The following FRMD6 variants were observed in gnomAD, a reference collection of about 807,000 sequenced individuals.
FRMD6 encodes the protein FERM domain containing 6.
Under a neutral mutation model 73.2 loss-of-function variants are expected in FRMD6, and 37 were observed. The ratio of observed to expected loss-of-function variants is 0.51; its 90% CI spans 0.39 to 0.66. FRMD6 has a LOEUF of 0.66. FRMD6 is among the 30% of genes least tolerant of loss of function. The pLI is 0.00. For synonymous variants in FRMD6, 273 were observed against 282.2 expected, an observed-to-expected ratio of 0.97 and a Z score of 0.33; for missense variants, 714 against 780.5, an observed-to-expected ratio of 0.91 and a Z score of 1.02.
intron 2 of FRMD6, among the ~76,000 whole-genome samples, chr14:51,594,765 G>T (rs898186923): frequency 1.3e-5 from 2 of 152,194 alleles, no homozygotes; most frequent in African/African-American, 4.8e-5. Context: ...ACCCGGCCAT[G>T]AGTACATGGG....
chr14:51,488,123 T>A (rs1432629399), upstream of FRMD6, among the ~76,000 whole-genome samples: 2 of 152,148 alleles, frequency 1.3e-5, no homozygotes, highest in African/African-American at 4.8e-5. Flanking sequence ...CTTCTATGAT[T>A]AGAAACCACA....
intron 1 of FRMD6, among the ~76,000 whole-genome samples, chr14:51,665,045 A>G (rs1197543688): frequency 6.6e-6 from 1 of 152,216 alleles, no homozygotes; most frequent in Admixed American, 6.5e-5. Context: ...GGTGGAATTC[A>G]TCATGCCAGC....
At position 51,727,843 on chromosome 14, in the gene FRMD6, G is replaced by A. The variant is rs747226008; in HGVS notation, c.1683G>A (p.Leu561=). 4.3e-6 allele frequency: 7 copies of A among 1,614,200 alleles called. No individual in the cohort carries two copies. Among genetic ancestry groups the A allele is most frequent in the Non-Finnish European group, 5.9e-6 (7 of 1,180,030 alleles). ...AAGACTTCCTGCGCATTGCAGGTCT[G>A]TGTCAGGACACTGCTCAGAGTTACA... The part of the protein sequence containing the change: ...YQKDFLRIAG[L]CQDTAQSYTF... The change falls in exon 14 of 14, where the codon CTG becomes CTA. Residue 561 remains leucine, a synonymous_variant. Coordinates refer to ENST00000344768, the MANE Select transcript of FRMD6 (RefSeq NM_001267046.2).
In FRMD6 at chr14:51,527,606, G is replaced by C. The variant is rs185525190; in HGVS notation, c.-210+38186G>C. Among the ~76,000 whole-genome samples, 278 of 152,212 alleles carry C rather than the reference G, an allele frequency of 1.8e-3. 1 individual carries two copies. The highest frequency in any genetic ancestry group is 6.5e-3 in the African/African-American group (270 of 41,532). On this transcript the variant is annotated intron_variant, in intron 1 of 14. Coordinates refer to the FRMD6 transcript ENST00000356218. ...CTAGAAAAACCTCCACTGAATAACA[G>C]GTTTCATGAATTATGAAAACCCCTG...
At chr14:51,551,376 A>G (rs913584087) in intron 1 of FRMD6, among the ~76,000 whole-genome samples, 1 of 152,226 alleles carries the variant, frequency 6.6e-6, no homozygotes, top group East Asian at 1.9e-4. Context: ...AGGAAGAAAA[A>G]GTTCAGTTGT....
chr14:51,651,460 G>A (rs1892369740), upstream of FRMD6: 1 of 152,340 alleles, frequency 6.6e-6, no homozygotes, highest in South Asian at 2.1e-4. Context: ...CGGCTCTGGA[G>A]GGAGCGCCCC....
At chr14:51,604,496 T>C (rs1285682487) in intron 2 of FRMD6, among the ~76,000 whole-genome samples, 6 of 152,154 alleles carry the variant, frequency 3.9e-5, no homozygotes, top group African/African-American at 1.2e-4. Context: ...TAAAATACTA[T>C]TAAAATCTTC....
At chr14:51,530,275 C>T (rs187250553) in intron 1 of FRMD6, among the ~76,000 whole-genome samples, 11 of 152,086 alleles carry the variant, frequency 7.2e-5, no homozygotes, top group African/African-American at 2.2e-4. Context: ...CTCCACTCTC[C>T]GTGGCGTCAC....
At chr14:51,454,327 G>C in the FRMD6 span, among the ~76,000 whole-genome samples, 1 of 152,192 alleles carries the variant, frequency 6.6e-6, no homozygotes, top group East Asian at 1.9e-4. Context: ...GGTCAATGCA[G>C]AAAAAATAGA....
the FRMD6 span, among the ~76,000 whole-genome samples, chr14:51,397,536 C>G: frequency 6.6e-6 from 1 of 152,188 alleles, no homozygotes; most frequent in East Asian, 1.9e-4. Context: ...AGAAAAACAA[C>G]TTTTACCTAC....
intron 2 of FRMD6, among the ~76,000 whole-genome samples, chr14:51,642,046 G>T (rs1302835883): frequency 6.6e-6 from 1 of 152,178 alleles, no homozygotes; most frequent in Non-Finnish European, 1.5e-5. Context: ...CGTACCTTTT[G>T]TTTCACAATC....
chr14:51,411,117 GGAT>G, the FRMD6 span, among the ~76,000 whole-genome samples: 6 of 152,122 alleles, frequency 3.9e-5, no homozygotes, highest in Non-Finnish European at 7.3e-5. Context: ...ATTGTCTGTT[GGAT>G]GAAGGGTAAG....
chr14:51,503,345 G>T (rs1418810769), intron 1 of FRMD6, among the ~76,000 whole-genome samples: 3 of 152,068 alleles, frequency 2.0e-5, no homozygotes, highest in African/African-American at 7.2e-5. Context: ...GTAATATATG[G>T]CTCTTATTAT....
intron 1 of FRMD6, among the ~76,000 whole-genome samples, chr14:51,524,638 A>G (rs1178599325): frequency 6.6e-6 from 1 of 152,254 alleles, no homozygotes; most frequent in African/African-American, 2.4e-5. Context: ...AGCCCCCTAA[A>G]CAAGAATAGG....
upstream of FRMD6, among the ~76,000 whole-genome samples, chr14:51,486,696 A>G (rs543243181): frequency 6.6e-6 from 1 of 152,302 alleles, no homozygotes; most frequent in Admixed American, 6.5e-5. Flanking sequence ...CAAGATGCCT[A>G]TTTCAAGTTG....
chr14:51,567,801 A>G (rs937406518), intron 1 of FRMD6, among the ~76,000 whole-genome samples: 1 of 152,174 alleles, frequency 6.6e-6, no homozygotes, highest in Non-Finnish European at 1.5e-5. Flanking sequence ...TTTCATATGT[A>G]CAGATTTTGT....
At chr14:51,659,437 GT>G (rs1329554115) in intron 1 of FRMD6, among the ~76,000 whole-genome samples, 2 of 152,198 alleles carry the variant, frequency 1.3e-5, no homozygotes, top group African/African-American at 2.4e-5. Context: ...ATTTAACTTT[GT>G]TTTTTGATGG....
rs543797629 is a variant in FRMD6, at chr14:51,494,271, T to C, written c.-210+4851T>C. Among the ~76,000 whole-genome samples the C allele has an allele frequency of 5.1e-4, 77 of 152,284 alleles. 1 individual carries two copies. In the Middle Eastern group the frequency reaches 0.027, roughly 54 times the overall value. Reference sequence around the variant, plus strand: ...GCCTCTAAATTAGATATGGATGAGATTTAAGATATGATTCATTCTGAGGCA... The same window carrying C: ...GCCTCTAAATTAGATATGGATGAGACTTAAGATATGATTCATTCTGAGGCA... On this transcript the variant is annotated intron_variant, in intron 1 of 14. Transcript: ENST00000356218.
Position 51,728,062 on chromosome 14 carries a change from A to C in FRMD6, c.*33A>C. On this transcript the variant is annotated 3_prime_UTR_variant, in exon 14 of 14. Coordinates refer to ENST00000344768, the MANE Select transcript of FRMD6 (RefSeq NM_001267046.2). Reference sequence around the variant, plus strand: ...CTGTGTGCAGCTGTACAGGCAGCTTACTGTTTGCTAGAGGATGCGAAAGTC... The same window carrying C: ...CTGTGTGCAGCTGTACAGGCAGCTTCCTGTTTGCTAGAGGATGCGAAAGTC... The C allele has an allele frequency of 6.3e-7, 1 of 1,578,088 alleles. No homozygotes were observed. The highest frequency in any genetic ancestry group is 1.1e-5 in the South Asian group (1 of 87,162).
Sources: allele counts gnomAD v4.1 joint callset (sites outside exome capture counted in the v4.1 genomes callset), GRCh38; gene constraint gnomAD v4.1.1; transcripts MANE v1.5; gene names NCBI Gene and HGNC (gene_info 2026-07-23, HGNC 2026-07-21).